The following PBK variants were observed in gnomAD, a reference collection of about 807,000 sequenced individuals.
PBK encodes the protein PDZ binding kinase.
A neutral mutation model predicts 33.5 loss-of-function variants in PBK; 22 were observed. That is an observed-to-expected ratio of 0.66 (90% CI 0.47 to 0.94). The LOEUF (loss-of-function observed/expected upper bound fraction) is 0.94. Among genes scored for constraint, PBK ranks in the 40% least tolerant of loss-of-function variants. PBK has a pLI of 0.00. For synonymous variants in PBK, 129 were observed against 123.8 expected (o/e 1.04, Z -0.28); for missense variants, 376 against 383.4 (o/e 0.98, Z 0.16).
At chr8:27,816,424 T>C (rs1317525580) in intron 6 of PBK, among the ~76,000 whole-genome samples, 1 of 151,304 alleles carries the variant, frequency 6.6e-6, no homozygotes, top group African/African-American at 2.4e-5. Context: ...TCGCCCAGAC[T>C]GGAGTACAGT....
intron 1 of PBK, among the ~76,000 whole-genome samples, chr8:27,836,839 G>A (rs1045915826): frequency 1.3e-5 from 2 of 152,166 alleles, no homozygotes; most frequent in Non-Finnish European, 2.9e-5. Flanking sequence ...TCTACTCTAA[G>A]CTATTTGCAC....
intron 6 of PBK, among the ~76,000 whole-genome samples, chr8:27,813,995 G>A (rs1429497226): frequency 6.6e-6 from 1 of 152,138 alleles, no homozygotes; most frequent in East Asian, 1.9e-4. Context: ...GGCATGCAGT[G>A]TATAATAATC....
rs964420606 is a variant in PBK at position 27,816,136 on chromosome 8, T to G, written c.595+4429A>C. Among the ~76,000 whole-genome samples, 4 of 152,178 alleles carry G rather than the reference T, an allele frequency of 2.6e-5. No homozygotes were observed. In the East Asian group the frequency reaches 7.7e-4, roughly 29 times the overall value. On this transcript the variant is annotated intron_variant, in intron 6 of 7. Transcript: ENST00000301905. The stretch of plus-strand genomic sequence containing the variant: ...TCTAGACTAGGTTAAGGGCCACTGC[T>G]GTGTTTATAATTCCTTGTATCATAA...
rs565926433 is a variant in PBK at position 27,837,801 on chromosome 8, G to C, written c.-170C>G. ...CGCCCGGCAGCTGCCGTTGCAATTC[G>C]AACCCTCCTGGCTTTCAAAAAGTCG... On this transcript the variant is annotated 5_prime_UTR_variant, in exon 1 of 8. Transcript: ENST00000301905. 6.6e-6 allele frequency: 1 copy of C among 152,204 alleles called. No homozygotes were observed. Among genetic ancestry groups the C allele is most frequent in the East Asian group, 1.9e-4 (1 of 5,192 alleles). The allele number at this position is 152,204 out of a possible 1,614,324, so 9.4% of individuals were successfully genotyped here.
At chr8:27,810,875 T>C (rs1805664183) in intron 7 of PBK, 83 bp downstream of exon 7, 6 of 900,112 alleles carry the variant, frequency 6.7e-6, no homozygotes, top group Non-Finnish European at 8.7e-6. Flanking sequence ...TCAGTACTAA[T>C]ACATATCTTA....
At chr8:27,819,213 A>T (rs1805874160) in intron 6 of PBK, among the ~76,000 whole-genome samples, 1 of 152,152 alleles carries the variant, frequency 6.6e-6, no homozygotes, top group African/African-American at 2.4e-5. Context: ...ATTAATTCTG[A>T]CATGTTCTAG....
At chr8:27,832,709 A>C (rs1806152514) in intron 2 of PBK, among the ~76,000 whole-genome samples, 2 of 152,208 alleles carry the variant, frequency 1.3e-5, no homozygotes, top group South Asian at 2.1e-4. Context: ...GTTTGTTGAA[A>C]AGATTTTCCT....
intron 6 of PBK, among the ~76,000 whole-genome samples, chr8:27,814,059 A>T (rs1347661580): frequency 2.0e-5 from 3 of 152,182 alleles, no homozygotes; most frequent in Non-Finnish European, 2.9e-5. Flanking sequence ...TATTAGAGTT[A>T]TGCTGACCAC....
In PBK at chr8:27,833,060, T is replaced by C; in HGVS notation, c.54A>G (p.Lys18=). ...ATCTTACATCTGCTATCTTACCAGATTTCTTTTTTTCTGATAATTTGCTTG... is the reference window on the plus strand; with the variant it reads ...ATCTTACATCTGCTATCTTACCAGACTTCTTTTTTTCTGATAATTTGCTTG... ...KTPSKLSEKK[K]SVLCSTPTIN... is the part of the protein sequence containing the mutation. Residue 18 remains lysine (K), a synonymous_variant, in exon 2 of 8, where the codon AAA becomes AAG. Coordinates refer to ENST00000301905, the MANE Select transcript of PBK (RefSeq NM_018492.4). 1 of 1,578,918 alleles carries C rather than the reference T, an allele frequency of 6.3e-7. No individual in the cohort carries two copies. The highest frequency in any genetic ancestry group is 8.6e-7 in the Non-Finnish European group (1 of 1,156,674).
Position 27,828,134 on chromosome 8 carries a change from A to G in PBK, c.123T>C (p.Gly41=). 6.3e-7 allele frequency: 1 copy of G among 1,582,008 alleles called. No homozygotes were observed. Among genetic ancestry groups the G allele is most frequent in the Non-Finnish European group, 8.7e-7 (1 of 1,152,272 alleles). ...TCATTAGGTACACATTTACCCCAGTACCAAAGCCAAGCTTCTGCATAAACG... is the reference window on the plus strand; with the variant it reads ...TCATTAGGTACACATTTACCCCAGTGCCAAAGCCAAGCTTCTGCATAAACG... ...ASPFMQKLGF[G]TGVNVYLMKR... The change falls in exon 3 of 8, where the codon GGT becomes GGC. Residue 41 remains glycine, a synonymous_variant. Transcript: ENST00000301905.
intron 4 of PBK, 29 bp downstream of exon 4, chr8:27,823,034 C>A: frequency 1.4e-6 from 2 of 1,476,838 alleles, no homozygotes; most frequent in Non-Finnish European, 1.9e-6. Context: ...AAATAATATA[C>A]CAGATACTGC....
intron 2 of PBK, 145 bp downstream of exon 2, chr8:27,832,911 T>C: frequency 1.8e-6 from 1 of 570,752 alleles, no homozygotes; most frequent in Non-Finnish European, 3.1e-6. Flanking sequence ...AAAATAAGTC[T>C]TATTTGTTAA....
intron 6 of PBK, among the ~76,000 whole-genome samples, chr8:27,814,458 T>G (rs1288575561): frequency 6.6e-6 from 1 of 152,148 alleles, no homozygotes; most frequent in Non-Finnish European, 1.5e-5. Context: ...TATTTCATTA[T>G]CTTTTCAAAT....
chr8:27,827,197 G>T (rs2128964646), intron 3 of PBK, among the ~76,000 whole-genome samples: 1 of 152,316 alleles, frequency 6.6e-6, no homozygotes, highest in African/African-American at 2.4e-5. Flanking sequence ...AATATATATT[G>T]ATGTAGTTGT....
At chr8:27,821,804 G>GC (rs1805934111) in intron 5 of PBK, among the ~76,000 whole-genome samples, 1 of 152,116 alleles carries the variant, frequency 6.6e-6, no homozygotes, top group South Asian at 2.1e-4. Flanking sequence ...AATGACTAGG[G>GC]CCACATGTAC....
At chr8:27,830,752 A>T (rs371091408) in intron 2 of PBK, among the ~76,000 whole-genome samples, 23,857 of 152,130 alleles carry the variant, frequency 0.16, 2,347 homozygotes, top group East Asian at 0.36. Context: ...CATGTAGCTA[A>T]TGGCAAAACA....
chr8:27,814,050 A>G (rs1805761460), intron 6 of PBK, among the ~76,000 whole-genome samples: 2 of 152,184 alleles, frequency 1.3e-5, no homozygotes, highest in Non-Finnish European at 2.9e-5. Flanking sequence ...AGGTTTTCAT[A>G]TTAGAGTTAT....
chr8:27,810,033 C>G lies in PBK; in HGVS notation c.*272G>C, dbSNP rs1267782212. On this transcript the variant is annotated 3_prime_UTR_variant, in exon 8 of 8. Transcript: ENST00000301905. ...TTCAATTTAATGTTACAGTTTACAG[C>G]GTTTTACTGCTAGTGTTTTAAGTCA... The G allele has an allele frequency of 2.6e-6, 1 of 377,826 alleles. No homozygotes were observed. The highest frequency in any genetic ancestry group is 5.5e-5 in the East Asian group (1 of 18,034). The allele number at this position is 377,826 out of a possible 1,614,324, so 23.4% of individuals were successfully genotyped here.
At chr8:27,831,722 A>G (rs1044976731) in intron 2 of PBK, among the ~76,000 whole-genome samples, 1 of 152,216 alleles carries the variant, frequency 6.6e-6, no homozygotes, top group African/African-American at 2.4e-5. Context: ...AAGGTTAATA[A>G]GGGTGTATCA....
Sources: gnomAD v4.1 joint callset for allele counts (sites outside exome capture counted in the v4.1 genomes callset) on GRCh38, gnomAD v4.1.1 for gene constraint, MANE v1.5 for transcripts, NCBI Gene and HGNC (gene_info 2026-07-23, HGNC 2026-07-21) for gene names.